Variants in UTRN observed in about 807,000 individuals in gnomAD.
UTRN encodes the protein dystrophin-related protein 1.
A neutral mutation model predicts 463.9 loss-of-function variants in UTRN; 283 were observed. The ratio of observed to expected loss-of-function variants is 0.61; its 90% CI spans 0.55 to 0.67. UTRN has a LOEUF of 0.67. UTRN is among the 30% of genes least tolerant of loss of function. The pLI, the probability that UTRN is intolerant of heterozygous loss-of-function variation, is 0.00. For synonymous variants in UTRN, 1,442 were observed against 1,431.5 expected (o/e 1.01, Z -0.17); for missense variants, 3,922 against 4,084.3 (o/e 0.96, Z 1.08).
intron 50 of UTRN, among the ~76,000 whole-genome samples, chr6:144,558,938 T>C (rs967732447): frequency 1.3e-5 from 2 of 152,160 alleles, no homozygotes; most frequent in African/African-American, 4.8e-5. Context: ...ATTTGCATAA[T>C]ATAGCTAACA....
chr6:144,773,720 A>G (rs1775059128), intron 59 of UTRN, among the ~76,000 whole-genome samples: 1 of 152,220 alleles, frequency 6.6e-6, no homozygotes, highest in Non-Finnish European at 1.5e-5. Context: ...GAATTCCAGC[A>G]AGGCCTATCT....
At chr6:144,735,964 G>A (rs1282590501) in intron 54 of UTRN, among the ~76,000 whole-genome samples, 1 of 151,906 alleles carries the variant, frequency 6.6e-6, no homozygotes, top group Non-Finnish European at 1.5e-5. Context: ...GTGACATTCA[G>A]GATGTTTTAA....
chr6:144,344,034 T>C (rs1413414759), intron 2 of UTRN: 2 of 679,040 alleles, frequency 2.9e-6, no homozygotes, highest in Admixed American at 4.8e-5. Flanking sequence ...CTCTGGTGTT[T>C]AGAGGAGGTG....
intron 46 of UTRN, among the ~76,000 whole-genome samples, chr6:144,546,958 C>CA (rs367556635): frequency 8.5e-5 from 13 of 152,354 alleles, no homozygotes; most frequent in African/African-American, 3.1e-4. Context: ...TCTGCTTCTG[C>CA]ATTTGGTCTC....
intron 52 of UTRN, among the ~76,000 whole-genome samples, chr6:144,693,827 G>C (rs1272253134): frequency 6.6e-6 from 1 of 152,166 alleles, no homozygotes; most frequent in East Asian, 1.9e-4. Context: ...ATAGAATCTT[G>C]TCACCTGCAA....
In UTRN at chr6:144,516,884, A is replaced by T. The variant is rs1383424450; in HGVS notation, c.5477A>T (p.Asp1826Val). ...GAAATGTTACATCAACCTATGGAAG[A>T]TAATAAAAAAGAAAAGATCCGTTTG... Reference protein sequence around the residue: ...GEEMLHQPMEDNKKEKIRLQL... With the variant: ...GEEMLHQPMEVNKKEKIRLQL... Residue 1826 changes from aspartate to valine, a missense_variant, in exon 39 of 75, where the codon GAT becomes GTT. Coordinates refer to ENST00000367545, the MANE Select transcript of UTRN (RefSeq NM_007124.3). 6.6e-7 allele frequency: 1 copy of T among 1,514,422 alleles called. No homozygotes were observed. Among genetic ancestry groups the T allele is most frequent in the Non-Finnish European group, 8.8e-7 (1 of 1,132,782 alleles). 93.8% of individuals were successfully genotyped at this position (1,514,422 alleles called of 1,614,324 possible).
rs11419379 is a variant in UTRN, at chr6:144,445,351, C to CAAAAAAAAA, written c.1614+979_1614+987dup. ...GGGAGACAAGAGCGAGACTCCCTCT[C>CAAAAAAAAA]AAAAAAAAAAAAAAAAAAGCAAATA... On this transcript the variant is annotated intron_variant, in intron 14 of 74. Coordinates refer to ENST00000367545, the MANE Select transcript of UTRN (RefSeq NM_007124.3). Among the ~76,000 whole-genome samples the CAAAAAAAAA allele has an allele frequency of 4.7e-5, 5 of 106,504 alleles. No individual in the cohort carries two copies. In the South Asian group the frequency reaches 1.0e-3, roughly 22 times the overall value. 69.9% of individuals were successfully genotyped at this position (106,504 alleles called of 152,430 possible).
Position 144,571,669 on chromosome 6 carries a change from C to T in UTRN, c.7290-5430C>T, listed in dbSNP as rs74468412. On this transcript the variant is annotated intron_variant, in intron 50 of 74. Transcript: ENST00000367545. ...GTTGACATTATTTTGCTTGTCCAAA[C>T]ATTATTACCAGCTAAAAACTGAGGT... Among the ~76,000 whole-genome samples the T allele has an allele frequency of 2.0e-5, 3 of 152,326 alleles. No individual in the cohort carries two copies. The East Asian group carries it at 5.8e-4, about 29-fold the overall frequency.
In UTRN at chr6:144,793,974, C is replaced by A; in HGVS notation, c.9061C>A (p.Arg3021Ser). The A allele has an allele frequency of 6.2e-7, 1 of 1,613,856 alleles. No homozygotes were observed. The highest frequency in any genetic ancestry group is 8.5e-7 in the Non-Finnish European group (1 of 1,179,910). Residue 3021 changes from arginine (R) to serine (S), a missense_variant, in exon 63 of 75, where the codon CGC (arginine) becomes AGC (serine). Arg to Ser is a moderately radical substitution (Grantham distance 110, BLOSUM62 -1). Coordinates refer to ENST00000367545, the MANE Select transcript of UTRN (RefSeq NM_007124.3). ...FGGSNIEPSV[R>S]SCFQQNNNKP... ...AGGCAGTAATATTGAGCCTAGTGTT[C>A]GCAGCTGCTTCCAACAGGTAAGCAT... is the stretch of plus-strand genomic sequence containing the variant.
At chr6:144,387,330 A>G (rs1781504480) in intron 2 of UTRN, among the ~76,000 whole-genome samples, 2 of 151,850 alleles carry the variant, frequency 1.3e-5, no homozygotes, top group Admixed American at 1.3e-4. Context: ...TTTAGTAGAG[A>G]TGGTGTTTCA....
intron 53 of UTRN, among the ~76,000 whole-genome samples, chr6:144,705,341 T>C (rs145745459): frequency 9.9e-4 from 151 of 152,290 alleles, no homozygotes; most frequent in African/African-American, 3.5e-3. Flanking sequence ...TGTATGGAAA[T>C]AAGTAGTATC....
chr6:144,343,092 A>T (rs1777271656), intron 2 of UTRN, among the ~76,000 whole-genome samples: 1 of 152,188 alleles, frequency 6.6e-6, no homozygotes, highest in Non-Finnish European at 1.5e-5. Context: ...TCTGTATCAT[A>T]GTACAGTAGC....
rs536832276 is a variant in UTRN at position 144,612,458 on chromosome 6, A to G, written c.7479+35170A>G. Among the ~76,000 whole-genome samples the G allele has an allele frequency of 1.3e-4, 20 of 152,284 alleles. No individual in the cohort carries two copies. The South Asian group carries it at 4.1e-3, about 32-fold the overall frequency. On this transcript the variant is annotated intron_variant, in intron 51 of 74. Transcript: ENST00000367545. ...GGGAGAGAATATTTGCAAACCGTAC[A>G]TCTGATAAGGGGTTAACAGCCAATA...
intron 3 of UTRN, 40 bp from the exon 4 acceptor site, chr6:144,421,838 T>G (rs1485897241): frequency 6.5e-7 from 1 of 1,540,258 alleles, no homozygotes; most frequent in African/African-American, 1.4e-5. Context: ...GTTTCTGCTG[T>G]TGGCATACCC....
chr6:144,849,973 T>C (rs1782346883), intron 74 of UTRN, among the ~76,000 whole-genome samples: 1 of 152,206 alleles, frequency 6.6e-6, no homozygotes, highest in Non-Finnish European at 1.5e-5. Flanking sequence ...ACTTACCTCA[T>C]ATTACAATTG....
intron 51 of UTRN, among the ~76,000 whole-genome samples, chr6:144,601,383 C>T (rs1028674653): frequency 6.6e-6 from 1 of 152,252 alleles, no homozygotes; most frequent in East Asian, 1.9e-4. Context: ...AAAATAGTGA[C>T]ATTTACAGGA....
intron 51 of UTRN, among the ~76,000 whole-genome samples, chr6:144,657,842 GA>G (rs1276222040): frequency 6.6e-6 from 1 of 152,198 alleles, no homozygotes; most frequent in Non-Finnish European, 1.5e-5. Context: ...TTGCCCAGCT[GA>G]GAAAGATTGT....
At chr6:144,763,480 G>A (rs748823152) in intron 58 of UTRN, among the ~76,000 whole-genome samples, 17 of 152,146 alleles carry the variant, frequency 1.1e-4, no homozygotes, top group Non-Finnish European at 1.8e-4. Context: ...AAATCTTGGG[G>A]AGCGAGTAGT....
rs1174420940 is a variant in UTRN at position 144,732,214 on chromosome 6, T to TTA, written c.7939+1751_7939+1752dup. Among the ~76,000 whole-genome samples the TTA allele has an allele frequency of 3.1e-3, 287 of 92,244 alleles. 3 individuals carry two copies. The highest frequency in any genetic ancestry group is 0.027 in the East Asian group (55 of 2,010). The allele number at this position is 92,244 out of a possible 152,430, so 60.5% of individuals were successfully genotyped here. On this transcript the variant is annotated intron_variant, in intron 54 of 74. Transcript: ENST00000367545. Reference sequence around the variant, plus strand: ...AATTATTCCTTTTGAGTACTCTGTTTTATATATATATATATATATATATAC... The same window carrying TTA: ...AATTATTCCTTTTGAGTACTCTGTTTTATATATATATATATATATATATATAC...
Sources: gnomAD v4.1 joint callset for allele counts (sites outside exome capture counted in the v4.1 genomes callset) on GRCh38, gnomAD v4.1.1 for gene constraint, MANE v1.5 for transcripts, NCBI Gene and HGNC (gene_info 2026-07-23, HGNC 2026-07-21) for gene names.